The following WDR72 variants were observed in gnomAD, a reference collection of about 807,000 sequenced individuals.
The protein encoded by WDR72 is WD repeat-containing protein 72.
In WDR72, 120 loss-of-function variants were observed where a neutral mutation model predicts 124.2. That is an observed-to-expected ratio of 0.97 (90% confidence interval 0.83 to 1.12). The LOEUF (loss-of-function observed/expected upper bound fraction) is 1.12, where lower values mean the gene tolerates loss of function less well. Ranked by LOEUF, WDR72 falls within the 50% of genes most tolerant of loss-of-function variation. The pLI is 0.00. For synonymous variants in WDR72, 452 were observed against 441.7 expected (o/e 1.02, Z -0.29); for missense variants, 1,387 against 1,278.8 (o/e 1.08, Z -1.29).
In WDR72 at chr15:53,670,708, C is replaced by T. The variant is rs1448732977; in HGVS notation, c.1766-4940G>A. On this transcript the variant is annotated intron_variant, in intron 13 of 19. Transcript: ENST00000360509. ...ACAATGGGGATAATAATAATCCCTA[C>T]ATCATGGAGTTACTTGAGGATTAAA... Among the ~76,000 whole-genome samples the T allele has an allele frequency of 2.6e-5, 4 of 152,204 alleles. No individual in the cohort carries two copies. The East Asian group carries it at 7.7e-4, about 29-fold the overall frequency.
intron 18 of WDR72, among the ~76,000 whole-genome samples, chr15:53,584,214 A>C (rs1221936718): frequency 3.9e-5 from 6 of 152,080 alleles, no homozygotes; most frequent in Admixed American, 3.9e-4. Flanking sequence ...CAAATTGGAA[A>C]AGATTTAAAA....
chr15:53,635,276 C>T (rs1283288888), intron 14 of WDR72, among the ~76,000 whole-genome samples: 1 of 152,156 alleles, frequency 6.6e-6, no homozygotes, highest in African/African-American at 2.4e-5. Flanking sequence ...AGGTAGAGAA[C>T]TTAACAGCTT....
intron 18 of WDR72, among the ~76,000 whole-genome samples, chr15:53,570,865 G>A (rs1419333473): frequency 1.3e-5 from 2 of 152,142 alleles, no homozygotes; most frequent in Non-Finnish European, 2.9e-5. Flanking sequence ...TAAAGAAAAT[G>A]TGGTACATAC....
At chr15:53,533,004 G>A (rs961460100) in intron 18 of WDR72, among the ~76,000 whole-genome samples, 2 of 152,102 alleles carry the variant, frequency 1.3e-5, no homozygotes, top group African/African-American at 2.4e-5. Flanking sequence ...TATGACTCAA[G>A]GACATTGTGT....
At position 53,615,949 on chromosome 15, in the gene WDR72, C is replaced by T. The variant is rs372174379; in HGVS notation, c.2257G>A (p.Gly753Arg). The T allele has an allele frequency of 1.1e-5, 17 of 1,613,256 alleles. No homozygotes were observed. In the African/African-American group the frequency reaches 1.1e-4, roughly 10 times the overall value. Residue 753 changes from glycine to arginine, a missense_variant, in exon 15 of 20, where the codon GGA (glycine) becomes AGA (arginine). Coordinates refer to ENST00000360509, the MANE Select transcript of WDR72 (RefSeq NM_182758.4). ...TCTGAGAATTTGATGGTATTATCTC[C>T]TTGGGCCAGGCTTTCAGTAATAGGC... ...AKPITESLAQ[G>R]DNTIKFSEEN...
At position 53,716,712 on chromosome 15, in the gene WDR72, C is replaced by G. The variant is rs1258467457; in HGVS notation, c.261-27G>C. The G allele has an allele frequency of 2.6e-6, 4 of 1,534,416 alleles. No individual in the cohort carries two copies. The Admixed American group carries it at 5.0e-5, about 19-fold the overall frequency. ...TAGCAGAAGATAACTTTGTGTTATT[C>G]TCTGTCATTTCCACTCAATTGGCTG... On this transcript the variant is annotated intron_variant, in intron 3 of 19. Transcript: ENST00000360509.
chr15:53,651,087 C>T (rs1006195360), intron 14 of WDR72, among the ~76,000 whole-genome samples: 2 of 152,018 alleles, frequency 1.3e-5, no homozygotes, highest in African/African-American at 2.4e-5. Flanking sequence ...ACTCTTAATG[C>T]TCCCTCCCCC....
At chr15:53,626,876 T>C (rs921901518) in intron 14 of WDR72, among the ~76,000 whole-genome samples, 7 of 152,192 alleles carry the variant, frequency 4.6e-5, no homozygotes, top group Non-Finnish European at 7.4e-5. Context: ...AACCATAAAA[T>C]AGATTGGGTA....
chr15:53,531,545 T>C (rs1401109624), intron 18 of WDR72, among the ~76,000 whole-genome samples: 1 of 152,078 alleles, frequency 6.6e-6, no homozygotes, highest in African/African-American at 2.4e-5. Flanking sequence ...AGATGGTTGC[T>C]GAAAATATGG....
intron 1 of WDR72, among the ~76,000 whole-genome samples, chr15:53,738,207 A>C (rs940482061): frequency 1.3e-5 from 2 of 152,198 alleles, no homozygotes; most frequent in African/African-American, 4.8e-5. Context: ...CCTTAAACAC[A>C]TAAATACATC....
chr15:53,688,946 G>C (rs1247809479), intron 13 of WDR72, among the ~76,000 whole-genome samples: 2 of 152,140 alleles, frequency 1.3e-5, no homozygotes, highest in African/African-American at 2.4e-5. Flanking sequence ...ACAAACCTGA[G>C]AAAAACAAGA....
intron 18 of WDR72, among the ~76,000 whole-genome samples, chr15:53,543,869 C>G (rs563553496): frequency 2.0e-5 from 3 of 151,732 alleles, no homozygotes; most frequent in African/African-American, 4.8e-5. Context: ...AACACCTCTA[C>G]AAACTACAAA....
chr15:53,747,919 G>C (rs1294482597), intron 1 of WDR72, among the ~76,000 whole-genome samples: 1 of 151,634 alleles, frequency 6.6e-6, no homozygotes, highest in African/African-American at 2.4e-5. Context: ...CAAAGTTCAG[G>C]CTTTAAGAAG....
chr15:53,662,927 G>A (rs1214793369), intron 14 of WDR72, among the ~76,000 whole-genome samples: 1 of 151,724 alleles, frequency 6.6e-6, no homozygotes, highest in Non-Finnish European at 1.5e-5. Context: ...AATTTAGCCA[G>A]GTATGGTGTT....
chr15:53,666,812 T>C lies in WDR72; in HGVS notation c.1766-1044A>G, dbSNP rs539198121. Among the ~76,000 whole-genome samples, 15 of 152,276 alleles carry C rather than the reference T, an allele frequency of 9.9e-5. No individual in the cohort carries two copies. The South Asian group carries it at 2.9e-3, about 29-fold the overall frequency. ...TAGATACATTTGAAGATTATGACTA[T>C]TCTATCCTTCCTCATTTCTCTCCCA... On this transcript the variant is annotated intron_variant, in intron 13 of 19. Coordinates refer to ENST00000360509, the MANE Select transcript of WDR72 (RefSeq NM_182758.4).
Position 53,643,220 on chromosome 15 carries a change from G to A in WDR72, c.1962+22352C>T, listed in dbSNP as rs1364977202. On this transcript the variant is annotated intron_variant, in intron 14 of 19. Coordinates refer to ENST00000360509, the MANE Select transcript of WDR72 (RefSeq NM_182758.4). ...AATAATAGAACTGAAAACTGATACA[G>A]ATATTGACTTAAGAATTCCTTGGTT... 4.6e-5 allele frequency among the ~76,000 whole-genome samples: 7 copies of A among 152,228 alleles called. No individual in the cohort carries two copies. The East Asian group carries it at 1.3e-3, about 29-fold the overall frequency.
rs1891309187 is a variant in WDR72 at position 53,513,991 on chromosome 15, CT to C, written c.*3707del. ...TAATTTCCAGTTTACCTTCTCCTAC[CT>C]GCCATCTGTAGGCTCCTTCTTGAGC... is the stretch of plus-strand genomic sequence containing the variant. On this transcript the variant is annotated 3_prime_UTR_variant, in exon 20 of 20. Coordinates refer to ENST00000360509, the MANE Select transcript of WDR72 (RefSeq NM_182758.4). 6.6e-6 allele frequency: 1 copy of C among 152,164 alleles called. No homozygotes were observed. Among genetic ancestry groups the C allele is most frequent in the Non-Finnish European group, 1.5e-5 (1 of 68,050 alleles). 9.4% of individuals were successfully genotyped at this position (152,164 alleles called of 1,614,324 possible).
chr15:53,620,513 T>C (rs934300466), intron 14 of WDR72, among the ~76,000 whole-genome samples: 1 of 152,010 alleles, frequency 6.6e-6, no homozygotes, highest in Non-Finnish European at 1.5e-5. Flanking sequence ...AGCCAACTGA[T>C]CTTCAACAAA....
chr15:53,597,232 G>A lies in WDR72; in HGVS notation c.2995C>T (p.Gln999Ter), dbSNP rs182109530. ...ATCTTTCCCAAACTCTTCATGTGTTGTTGAACTTCCGCCAAGAGAACAGCT... is the reference window on the plus strand; with the variant it reads ...ATCTTTCCCAAACTCTTCATGTGTTATTGAACTTCCGCCAAGAGAACAGCT... The part of the protein sequence containing the change: ...IQAVLLAEVQ[Q>*]HMKSLGKIPV... Residue 999 changes from glutamine (Q) to a stop codon, truncating the protein, a stop_gained, in exon 18 of 20, where the codon CAA becomes TAA. Transcript: ENST00000360509. LOFTEE classifies it high-confidence loss of function. 3 of 1,613,798 alleles carry A rather than the reference G, an allele frequency of 1.9e-6. No homozygotes were observed. The Admixed American group carries it at 5.0e-5, about 27-fold the overall frequency.
Sources: allele counts gnomAD v4.1 joint callset (sites outside exome capture counted in the v4.1 genomes callset), GRCh38; gene constraint gnomAD v4.1.1; transcripts MANE v1.5; gene names NCBI Gene and HGNC (gene_info 2026-07-23, HGNC 2026-07-21).